Variants in UBXN7 observed in about 807,000 individuals in gnomAD.
UBXN7 encodes UBX domain protein 7, also known as UBX domain-containing protein 7.
In UBXN7, 9 loss-of-function variants were observed where a neutral mutation model predicts 58.0. The ratio of observed to expected loss-of-function variants is 0.16; its 90% confidence interval spans 0.09 to 0.27. The LOEUF (loss-of-function observed/expected upper bound fraction) is 0.27. Ranked by LOEUF, UBXN7 falls within the 10% of genes least tolerant of loss-of-function variation. UBXN7 has a pLI of 1.00. For missense variants in UBXN7, 328 were observed against 599.6 expected, an observed-to-expected ratio of 0.55 and a Z score of 4.73; for synonymous variants, 208 against 205.0, an observed-to-expected ratio of 1.01 and a Z score of -0.12.
rs943139871 is a variant in UBXN7 at position 196,348,095 on chromosome 3, C to A, written c.*8590G>T. 1.3e-5 allele frequency: 2 copies of A among 152,148 alleles called. No individual in the cohort carries two copies. Among genetic ancestry groups the A allele is most frequent in the African/African-American group, 4.8e-5 (2 of 41,408 alleles). 9.4% of individuals were successfully genotyped at this position (152,148 alleles called of 1,614,324 possible). ...TCCATTGAGTCTTAGCCAGTAGTTA[C>A]AACTCTGCGTTACCTAATGGCATGT... On this transcript the variant is annotated 3_prime_UTR_variant, in exon 11 of 11. Transcript: ENST00000296328.
chr3:196,417,109 C>A (rs374552908), intron 1 of UBXN7, among the ~76,000 whole-genome samples: 2 of 151,976 alleles, frequency 1.3e-5, no homozygotes, highest in African/African-American at 2.4e-5. Flanking sequence ...GTCAGGAGAT[C>A]GAGACCATCC....
intron 3 of UBXN7, 57 bp from the exon 4 acceptor site, chr3:196,393,676 A>G: frequency 2.0e-6 from 3 of 1,519,748 alleles, no homozygotes; most frequent in South Asian, 2.4e-5. Flanking sequence ...AAACAATTCT[A>G]AAAATGTCCT....
intron 3 of UBXN7, among the ~76,000 whole-genome samples, chr3:196,396,886 TA>T (rs1729792323): frequency 6.6e-6 from 1 of 152,218 alleles, no homozygotes; most frequent in African/African-American, 2.4e-5. Context: ...CTGCCAAAGA[TA>T]GGTTAGTCAA....
Position 196,372,117 on chromosome 3 carries a change from G to A in UBXN7, c.469-75C>T. On this transcript the variant is annotated intron_variant, in intron 5 of 10. Coordinates refer to ENST00000296328, the MANE Select transcript of UBXN7 (RefSeq NM_015562.2). ...CAGATGTTTCCGTAGTTGTTCAGAG[G>A]TTGTTGTCTTTCATTAAAAATACTA... 3 of 1,476,022 alleles carry A rather than the reference G, an allele frequency of 2.0e-6. No individual in the cohort carries two copies. The South Asian group carries it at 4.2e-5, about 21-fold the overall frequency. 91.4% of individuals were successfully genotyped at this position (1,476,022 alleles called of 1,614,324 possible). A position where few individuals can be genotyped will look rare whatever the true frequency, so the allele number is the denominator to read the frequency against.
At chr3:196,413,555 C>G (rs1236406585) in intron 1 of UBXN7, among the ~76,000 whole-genome samples, 1 of 152,050 alleles carries the variant, frequency 6.6e-6, no homozygotes, top group African/African-American at 2.4e-5. Flanking sequence ...GAGAAACATT[C>G]TTAGACCCTT....
chr3:196,364,960 T>C (rs1728620938), intron 8 of UBXN7, among the ~76,000 whole-genome samples: 1 of 152,134 alleles, frequency 6.6e-6, no homozygotes, highest in African/African-American at 2.4e-5. Flanking sequence ...GGATTGTAAA[T>C]TTATAGCAAT....
intron 2 of UBXN7, among the ~76,000 whole-genome samples, 196 bp from the exon 3 acceptor site, chr3:196,403,215 C>T (rs539732526): frequency 7.9e-5 from 12 of 152,014 alleles, no homozygotes; most frequent in East Asian, 1.9e-4. Context: ...TGGAGTGGAC[C>T]GACACGATCT....
In UBXN7 at chr3:196,422,414, AGGCTGCAGTGAGCTATGATAACAC is replaced by A. The variant is rs1206095846; in HGVS notation, c.73+9889_73+9912del. Among the ~76,000 whole-genome samples, 8 of 151,914 alleles carry A rather than the reference AGGCTGCAGTGAGCTATGATAACAC, an allele frequency of 5.3e-5. No homozygotes were observed. The East Asian group carries it at 1.5e-3, about 29-fold the overall frequency. On this transcript the variant is annotated intron_variant, in intron 1 of 10. Transcript: ENST00000296328. ...GAGGATTATTGACCCCAGGAGCTTG[AGGCTGCAGTGAGCTATGATAACAC>A]GGCTGCACTCCACCAGGGGCAAGAG...
Position 196,353,843 on chromosome 3 carries a change from T to A in UBXN7, c.*2842A>T, listed in dbSNP as rs1367280658. The A allele has an allele frequency of 1.3e-5, 2 of 152,012 alleles. No individual in the cohort carries two copies. The highest frequency in any genetic ancestry group is 4.1e-4 in the South Asian group (2 of 4,828). 9.4% of individuals were successfully genotyped at this position (152,012 alleles called of 1,614,324 possible). ...TTTTTCTCTTATCACTCTCGAAGTCTATCTTTCTTGTTCTTTTCCTCCCTA... is the reference window on the plus strand; with the variant it reads ...TTTTTCTCTTATCACTCTCGAAGTCAATCTTTCTTGTTCTTTTCCTCCCTA... On this transcript the variant is annotated 3_prime_UTR_variant, in exon 11 of 11. Transcript: ENST00000296328.
At position 196,369,411 on chromosome 3, in the gene UBXN7, T is replaced by C. The variant is rs1213264938; in HGVS notation, c.706+10A>G. ...ATAGGTTAAAAGCTGCGTGCTGATA[T>C]AAATCTTACCTGTCCGTGGGTCCAA... On this transcript the variant is annotated intron_variant, in intron 7 of 10. Transcript: ENST00000296328. 2 of 1,596,180 alleles carry C rather than the reference T, an allele frequency of 1.3e-6. No homozygotes were observed. The highest frequency in any genetic ancestry group is 1.7e-6 in the Non-Finnish European group (2 of 1,165,714).
intron 3 of UBXN7, among the ~76,000 whole-genome samples, chr3:196,395,202 G>A (rs754135915): frequency 3.9e-5 from 6 of 152,126 alleles, no homozygotes; most frequent in East Asian, 1.9e-4. Flanking sequence ...CCCTTAACGC[G>A]TGTCAAAACA....
intron 8 of UBXN7, among the ~76,000 whole-genome samples, chr3:196,365,462 C>T (rs951895332): frequency 2.6e-5 from 4 of 152,076 alleles, no homozygotes; most frequent in African/African-American, 9.7e-5. Context: ...AGTGCAGTGA[C>T]TACTCACAGG....
intron 3 of UBXN7, among the ~76,000 whole-genome samples, chr3:196,402,022 T>C (rs958589381): frequency 3.9e-5 from 6 of 151,972 alleles, no homozygotes; most frequent in South Asian, 2.1e-4. Flanking sequence ...TACTCAATTG[T>C]ATTTATTTAT....
rs1730541556 is a variant in UBXN7 at position 196,417,723 on chromosome 3, T to TA, written c.74-10331_74-10330insT. Among the ~76,000 whole-genome samples the TA allele has an allele frequency of 3.2e-4, 25 of 78,410 alleles. 4 individuals are homozygous for TA. The highest frequency in any genetic ancestry group is 9.9e-4 in the African/African-American group (19 of 19,196). The allele number at this position is 78,410 out of a possible 152,430, so 51.4% of individuals were successfully genotyped here. A position where few individuals can be genotyped will look rare whatever the true frequency, so the allele number is the denominator to read the frequency against. On this transcript the variant is annotated intron_variant, in intron 1 of 10. Coordinates refer to ENST00000296328, the MANE Select transcript of UBXN7 (RefSeq NM_015562.2). The stretch of plus-strand genomic sequence containing the variant: ...TTTGAGACCAGTCTGGGCAAAATGG[T>TA]TAAAAAAAAAAAAAAAAAAAAAAAA...
At chr3:196,396,422 T>C (rs555405355) in intron 3 of UBXN7, among the ~76,000 whole-genome samples, 3 of 152,050 alleles carry the variant, frequency 2.0e-5, no homozygotes, top group African/African-American at 7.2e-5. Flanking sequence ...AAATTAACTT[T>C]TTAAAAATAA....
chr3:196,406,115 C>T (rs973201973), intron 2 of UBXN7, among the ~76,000 whole-genome samples: 4 of 151,924 alleles, frequency 2.6e-5, no homozygotes, highest in African/African-American at 9.7e-5. Context: ...TCACTGCAAC[C>T]TCAACCTCCC....
At chr3:196,426,309 C>T (rs979264035) in intron 1 of UBXN7, among the ~76,000 whole-genome samples, 1 of 146,236 alleles carries the variant, frequency 6.8e-6, no homozygotes, top group African/African-American at 2.5e-5. Flanking sequence ...TCACTTGAAC[C>T]GGGGAGGCGG....
At chr3:196,365,914 C>T (rs1253462559) in intron 8 of UBXN7, among the ~76,000 whole-genome samples, 3 of 151,992 alleles carry the variant, frequency 2.0e-5, no homozygotes, top group African/African-American at 7.2e-5. Context: ...GAAATAACAA[C>T]AATTCTACAG....
rs1728135747 is a variant in UBXN7 at position 196,348,465 on chromosome 3, A to G, written c.*8220T>C. On this transcript the variant is annotated 3_prime_UTR_variant, in exon 11 of 11. Coordinates refer to ENST00000296328, the MANE Select transcript of UBXN7 (RefSeq NM_015562.2). ...TTGGATTCAATCACAAATTTAGAGTACAGATGAAATTTAGAGCCTGTCCTG... is the reference window on the plus strand; with the variant it reads ...TTGGATTCAATCACAAATTTAGAGTGCAGATGAAATTTAGAGCCTGTCCTG... 1.3e-5 allele frequency: 2 copies of G among 152,222 alleles called. No homozygotes were observed. Among genetic ancestry groups the G allele is most frequent in the Admixed American group, 6.5e-5 (1 of 15,278 alleles). 9.4% of individuals were successfully genotyped at this position (152,222 alleles called of 1,614,324 possible). A position where few individuals can be genotyped will look rare whatever the true frequency, so the allele number is the denominator to read the frequency against.
Sources: gnomAD v4.1 joint callset for allele counts (sites outside exome capture counted in the v4.1 genomes callset) on GRCh38, gnomAD v4.1.1 for gene constraint, MANE v1.5 for transcripts, NCBI Gene and HGNC (gene_info 2026-07-23, HGNC 2026-07-21) for gene names.